The following PABPC4L variants were observed in gnomAD, a reference collection of about 807,000 sequenced individuals.
PABPC4L encodes poly(A) binding protein cytoplasmic 4 like.
For synonymous variants in PABPC4L, 169 were observed against 164.1 expected, an observed-to-expected ratio of 1.03 and a Z score of -0.23; for missense variants, 452 against 451.4, an observed-to-expected ratio of 1.00 and a Z score of -0.01.
chr4:133,986,603 A>G, the PABPC4L span, among the ~76,000 whole-genome samples: 3 of 152,194 alleles, frequency 2.0e-5, no homozygotes, highest in Non-Finnish European at 2.9e-5. Context: ...ACCTCAACAT[A>G]CTAATAGACC....
chr4:133,970,970 T>C, the PABPC4L span, among the ~76,000 whole-genome samples: 50 of 152,274 alleles, frequency 3.3e-4, no homozygotes, highest in East Asian at 9.3e-3. Context: ...TATGATATTT[T>C]GTTATAGTAG....
At chr4:134,028,873 G>A in the PABPC4L span, among the ~76,000 whole-genome samples, 1 of 152,038 alleles carries the variant, frequency 6.6e-6, no homozygotes, top group Non-Finnish European at 1.5e-5. Context: ...CTAGTTTAAA[G>A]AAAAAATTAT....
the PABPC4L span, among the ~76,000 whole-genome samples, chr4:133,966,741 C>T: frequency 2.5e-4 from 38 of 151,928 alleles, no homozygotes; most frequent in African/African-American, 7.2e-4. Context: ...CTCACTGATA[C>T]GTGGGAGCTA....
the PABPC4L span, among the ~76,000 whole-genome samples, chr4:133,994,455 C>T: frequency 6.6e-6 from 1 of 152,106 alleles, no homozygotes; most frequent in African/African-American, 2.4e-5. Context: ...GGTTGTATAA[C>T]TGCTTTTCTT....
At chr4:134,003,541 T>G in the PABPC4L span, among the ~76,000 whole-genome samples, 1 of 151,956 alleles carries the variant, frequency 6.6e-6, no homozygotes, top group East Asian at 1.9e-4. Flanking sequence ...CATTCATCAA[T>G]TTTTAAAAGT....
the PABPC4L span, among the ~76,000 whole-genome samples, chr4:134,068,409 G>A: frequency 6.6e-6 from 1 of 152,054 alleles, no homozygotes; most frequent in Non-Finnish European, 1.5e-5. Flanking sequence ...GAGCCTGTTG[G>A]TGTCGTTGCA....
At chr4:134,061,180 TCATGTAACA>T in the PABPC4L span, among the ~76,000 whole-genome samples, 3 of 151,972 alleles carry the variant, frequency 2.0e-5, no homozygotes, top group Non-Finnish European at 4.4e-5. Context: ...TCAAAATAGC[TCATGTAACA>T]CATCAATATA....
At chr4:133,982,091 T>C in the PABPC4L span, among the ~76,000 whole-genome samples, 498 of 152,132 alleles carry the variant, frequency 3.3e-3, 4 homozygotes, top group African/African-American at 8.9e-3. Context: ...TGCCTTGCCA[T>C]CAAAAACCTT....
At chr4:134,031,432 A>T in the PABPC4L span, among the ~76,000 whole-genome samples, 1 of 151,956 alleles carries the variant, frequency 6.6e-6, no homozygotes, top group East Asian at 1.9e-4. Flanking sequence ...CTGCTTTATC[A>T]CATCATGTAT....
At chr4:133,994,602 C>A in the PABPC4L span, among the ~76,000 whole-genome samples, 602 of 152,170 alleles carry the variant, frequency 4.0e-3, 6 homozygotes, top group African/African-American at 0.014. Flanking sequence ...ATTGAAATAT[C>A]CACCTCTGTG....
rs1729771327 is a variant in PABPC4L at position 134,199,413 on chromosome 4, T to C, written c.*494A>G. On this transcript the variant is annotated 3_prime_UTR_variant, in exon 2 of 2. Transcript: ENST00000421491. ...TTAATTCAAAATGAAATTAGGTCTT[T>C]AAATTCGTACTATAAATTTCTAAAA... 1 of 152,272 alleles carries C rather than the reference T, an allele frequency of 6.6e-6. No homozygotes were observed. Among genetic ancestry groups the C allele is most frequent in the Admixed American group, 6.5e-5 (1 of 15,276 alleles). 9.4% of individuals were successfully genotyped at this position (152,272 alleles called of 1,614,324 possible).
At chr4:134,098,126 A>C in the PABPC4L span, among the ~76,000 whole-genome samples, 1 of 151,822 alleles carries the variant, frequency 6.6e-6, no homozygotes, top group Non-Finnish European at 1.5e-5. Flanking sequence ...TTATAAGAGC[A>C]ATTGAAGAAA....
the PABPC4L span, among the ~76,000 whole-genome samples, chr4:134,072,803 C>G: frequency 6.6e-5 from 10 of 152,060 alleles, no homozygotes; most frequent in African/African-American, 2.4e-4. Context: ...TCCTTTTTCA[C>G]ATGGTAGCAG....
chr4:134,019,648 C>T, the PABPC4L span, among the ~76,000 whole-genome samples: 1 of 152,022 alleles, frequency 6.6e-6, no homozygotes, highest in Non-Finnish European at 1.5e-5. Context: ...GTGAAAAATG[C>T]AAATAGTTTA....
chr4:134,006,189 A>C, the PABPC4L span, among the ~76,000 whole-genome samples: 1 of 151,844 alleles, frequency 6.6e-6, no homozygotes, highest in African/African-American at 2.4e-5. Context: ...CATGCTGCTC[A>C]TGGATTGGGC....
At position 134,200,313 on chromosome 4, in the gene PABPC4L, C is replaced by G. The variant is rs775758642; in HGVS notation, c.707G>C (p.Ser236Thr). The G allele has an allele frequency of 1.1e-5, 18 of 1,592,166 alleles. No homozygotes were observed. In the Admixed American group the frequency reaches 2.3e-4, roughly 20 times the overall value. Residue 236 changes from serine (S) to threonine (T), a missense_variant, in exon 2 of 2, where the codon AGT becomes ACT. Ser to Thr is a moderately conservative substitution (Grantham distance 58). Transcript: ENST00000421491. Reference sequence around the variant, plus strand: ...CTTGGCAGCCTCATGGCTATCAAAACTCACAAAGCCAAAGCCTTTGGATTT... The same window carrying G: ...CTTGGCAGCCTCATGGCTATCAAAAGTCACAAAGCCAAAGCCTTTGGATTT... ...SGKSKGFGFV[S>T]FDSHEAAKKA...
the PABPC4L span, among the ~76,000 whole-genome samples, chr4:134,179,371 A>G: frequency 6.6e-6 from 1 of 152,182 alleles, no homozygotes; most frequent in African/African-American, 2.4e-5. Flanking sequence ...CTGCCTTACA[A>G]GAGATCCTGA....
chr4:134,045,505 A>G, the PABPC4L span, among the ~76,000 whole-genome samples: 2 of 152,176 alleles, frequency 1.3e-5, no homozygotes, highest in Non-Finnish European at 2.9e-5. Flanking sequence ...TTATATTTGA[A>G]ATCATGAGGA....
chr4:134,164,366 T>C, the PABPC4L span, among the ~76,000 whole-genome samples: 1 of 149,124 alleles, frequency 6.7e-6, no homozygotes, highest in South Asian at 2.1e-4. Context: ...TGTGATTGGC[T>C]ACATAGAAAA....
Sources: allele counts gnomAD v4.1 joint callset (sites outside exome capture counted in the v4.1 genomes callset), GRCh38; gene constraint gnomAD v4.1.1; transcripts MANE v1.5; gene names NCBI Gene and HGNC (gene_info 2026-07-23, HGNC 2026-07-21).